Variants in GSG1L observed in about 807,000 individuals in gnomAD.
GSG1L encodes the protein germ cell-specific gene 1-like protein.
A neutral mutation model predicts 42.1 loss-of-function variants in GSG1L; 24 were observed. The ratio of observed to expected loss-of-function variants is 0.57; its 90% CI spans 0.41 to 0.80. The LOEUF (loss-of-function observed/expected upper bound fraction) is 0.80, where lower values mean the gene tolerates loss of function less well. Ranked by LOEUF, GSG1L falls within the 30% of genes least tolerant of loss-of-function variation. GSG1L has a pLI of 0.00. For missense variants in GSG1L, 445 were observed against 472.2 expected (o/e 0.94, Z 0.53); for synonymous variants, 215 against 203.5 (o/e 1.06, Z -0.48).
intron 1 of GSG1L, among the ~76,000 whole-genome samples, chr16:28,048,546 G>A (rs2086189887): frequency 6.6e-6 from 1 of 152,084 alleles, no homozygotes; most frequent in South Asian, 2.1e-4. Flanking sequence ...ACAGGCATAA[G>A]CCACTGCACC....
At chr16:28,051,471 G>A (rs764393823) in intron 1 of GSG1L, among the ~76,000 whole-genome samples, 6 of 150,298 alleles carry the variant, frequency 4.0e-5, no homozygotes, top group Non-Finnish European at 5.9e-5. Flanking sequence ...GAGGTAGATC[G>A]AGCAATTGGC....
intron 2 of GSG1L, among the ~76,000 whole-genome samples, chr16:27,901,155 T>C (rs746202438): frequency 9.9e-5 from 15 of 152,108 alleles, no homozygotes; most frequent in Non-Finnish European, 1.3e-4. Context: ...AAATTAGAAG[T>C]ATATTAGTAC....
At chr16:28,056,574 A>T (rs1381307671) in intron 1 of GSG1L, among the ~76,000 whole-genome samples, 1 of 152,006 alleles carries the variant, frequency 6.6e-6, no homozygotes, top group Admixed American at 6.6e-5. Context: ...CATATGTAAC[A>T]AACCTGCACA....
intron 2 of GSG1L, among the ~76,000 whole-genome samples, chr16:27,924,413 G>T (rs996661769): frequency 6.6e-6 from 1 of 152,164 alleles, no homozygotes; most frequent in Admixed American, 6.5e-5. Flanking sequence ...TTTCTAAAAA[G>T]TATTTTCTTT....
chr16:27,975,137 G>C (rs1052193528), intron 1 of GSG1L, among the ~76,000 whole-genome samples: 1 of 152,090 alleles, frequency 6.6e-6, no homozygotes, highest in Non-Finnish European at 1.5e-5. Flanking sequence ...GCCGGCCTGG[G>C]AACCACACTT....
chr16:27,941,314 A>T (rs533786285), intron 2 of GSG1L, among the ~76,000 whole-genome samples: 1 of 152,004 alleles, frequency 6.6e-6, no homozygotes, highest in African/African-American at 2.4e-5. Context: ...CACCAACAAA[A>T]AAACAAACAC....
At chr16:27,915,461 G>A (rs1230410650) in intron 2 of GSG1L, among the ~76,000 whole-genome samples, 1 of 152,202 alleles carries the variant, frequency 6.6e-6, no homozygotes, top group Non-Finnish European at 1.5e-5. Context: ...CAAAGCCACA[G>A]GCAAGAGAGT....
At chr16:28,025,538 C>T (rs2085891244) in intron 1 of GSG1L, among the ~76,000 whole-genome samples, 1 of 152,362 alleles carries the variant, frequency 6.6e-6, no homozygotes, top group Admixed American at 6.5e-5. Context: ...CCTGGCTCCG[C>T]AGGCCCCCAA....
chr16:27,897,652 A>G lies in GSG1L; in HGVS notation c.398-13014T>C, dbSNP rs367797684. Among the ~76,000 whole-genome samples the G allele has an allele frequency of 7.2e-5, 11 of 152,182 alleles. No homozygotes were observed. The East Asian group carries it at 1.7e-3, about 24-fold the overall frequency. On this transcript the variant is annotated intron_variant, in intron 2 of 6. Coordinates refer to ENST00000447459, the MANE Select transcript of GSG1L (RefSeq NM_001109763.2). ...TCCTCCCCGAACCACCCTAGCCCGC[A>G]CTGTGGCCCCCACCATGGCCCCTAG...
intron 5 of GSG1L, among the ~76,000 whole-genome samples, chr16:27,811,701 T>C (rs2083033257): frequency 6.6e-6 from 1 of 152,266 alleles, no homozygotes; most frequent in South Asian, 2.1e-4. Context: ...CAGGCTGGCA[T>C]GCAGTGGTGT....
intron 4 of GSG1L, 82 bp from the exon 5 acceptor site, chr16:27,829,038 C>G (rs1013656615): frequency 1.5e-6 from 2 of 1,335,076 alleles, no homozygotes; most frequent in African/African-American, 2.9e-5. Flanking sequence ...AACATTCATT[C>G]ATCCCTGCAT....
At chr16:27,986,063 A>G (rs2085377896) in intron 1 of GSG1L, among the ~76,000 whole-genome samples, 1 of 152,168 alleles carries the variant, frequency 6.6e-6, no homozygotes, top group Admixed American at 6.5e-5. Context: ...ATTACTTAGT[A>G]CTATGACAGA....
chr16:27,945,076 C>CAA (rs34265192), intron 2 of GSG1L, among the ~76,000 whole-genome samples: 25,382 of 86,990 alleles, frequency 0.29, 3,498 homozygotes, highest in Non-Finnish European at 0.34. Context: ...GACCCTGTCT[C>CAA]AAAAAAAAAA....
intron 2 of GSG1L, among the ~76,000 whole-genome samples, chr16:27,940,122 T>C (rs2084771066): frequency 6.6e-6 from 1 of 152,094 alleles, no homozygotes; most frequent in Admixed American, 6.5e-5. Context: ...TCACTGGCCA[T>C]CAGAGAAATG....
chr16:27,840,667 T>C (rs546057220), intron 4 of GSG1L, among the ~76,000 whole-genome samples: 16 of 152,298 alleles, frequency 1.1e-4, no homozygotes, highest in Admixed American at 1.3e-4. Context: ...CCCTTGAAGC[T>C]GGCCCTGTCA....
At chr16:27,941,743 G>A (rs893548059) in intron 2 of GSG1L, among the ~76,000 whole-genome samples, 4 of 151,948 alleles carry the variant, frequency 2.6e-5, no homozygotes, top group African/African-American at 9.7e-5. Context: ...TAAACCAGGT[G>A]TGTTACATCC....
intron 1 of GSG1L, among the ~76,000 whole-genome samples, chr16:27,991,915 AC>A (rs1279878856): frequency 6.6e-6 from 1 of 152,062 alleles, no homozygotes; most frequent in Non-Finnish European, 1.5e-5. Context: ...TTCTCTCCAG[AC>A]CCAGGGACTA....
chr16:27,852,428 C>T (rs1413393888), intron 3 of GSG1L, among the ~76,000 whole-genome samples: 1 of 151,980 alleles, frequency 6.6e-6, no homozygotes, highest in Non-Finnish European at 1.5e-5. Context: ...GGGCACCTCT[C>T]GGTGTCAGGG....
intron 1 of GSG1L, among the ~76,000 whole-genome samples, chr16:27,995,889 C>CAG (rs1262395960): frequency 5.4e-5 from 8 of 148,430 alleles, no homozygotes; most frequent in Admixed American, 3.3e-4. Flanking sequence ...TTAAAACACA[C>CAG]ACACACACAC....
Sources: gnomAD v4.1 joint callset for allele counts (sites outside exome capture counted in the v4.1 genomes callset) on GRCh38, gnomAD v4.1.1 for gene constraint, MANE v1.5 for transcripts, NCBI Gene and HGNC (gene_info 2026-07-23, HGNC 2026-07-21) for gene names.